Variants in COL28A1 observed in about 807,000 individuals in gnomAD.
COL28A1 encodes the protein collagen type XXVIII alpha 1 chain.
COL28A1 carries 161 observed loss-of-function variants against 150.2 expected under a neutral mutation model. That is an observed-to-expected ratio of 1.07 (90% CI 0.94 to 1.22). The LOEUF is 1.22. Ranked by LOEUF, COL28A1 falls within the 50% of genes most tolerant of loss-of-function variation. COL28A1 has a pLI of 0.00. For synonymous variants in COL28A1, 552 were observed against 469.7 expected, an observed-to-expected ratio of 1.18 and a Z score of -2.26; for missense variants, 1,617 against 1,388.3, an observed-to-expected ratio of 1.16 and a Z score of -2.62.
At position 7,464,968 on chromosome 7, in the gene COL28A1, C is replaced by T. The variant is rs150468469; in HGVS notation, c.1303-8856G>A. ...AACGAAACAGGAGATTTACAACTGG[C>T]ACCAAAAATCTAAAAGAAATCCAAG... On this transcript the variant is annotated intron_variant, in intron 15 of 34. Transcript: ENST00000399429. Among the ~76,000 whole-genome samples, 261 of 152,256 alleles carry T rather than the reference C, an allele frequency of 1.7e-3. 2 individuals carry two copies. Among genetic ancestry groups the T allele is most frequent in the African/African-American group, 5.8e-3 (242 of 41,548 alleles).
chr7:7,419,122 C>T (rs989196863), intron 26 of COL28A1, among the ~76,000 whole-genome samples: 33 of 152,138 alleles, frequency 2.2e-4, no homozygotes, highest in African/African-American at 7.0e-4. Flanking sequence ...CTTCTTTACC[C>T]TACTTTCGAA....
chr7:7,435,070 G>A lies in COL28A1; in HGVS notation c.1860+1325C>T, dbSNP rs537200032. Among the ~76,000 whole-genome samples the A allele has an allele frequency of 5.9e-5, 9 of 152,242 alleles. No homozygotes were observed. The South Asian group carries it at 1.9e-3, about 32-fold the overall frequency. ...GAAAGAGTATCATTAGAGTCCAGGGGAGTAGCAAAATGATTGAGTGAAGAG... is the reference window on the plus strand; with the variant it reads ...GAAAGAGTATCATTAGAGTCCAGGGAAGTAGCAAAATGATTGAGTGAAGAG... On this transcript the variant is annotated intron_variant, in intron 23 of 34. Coordinates refer to ENST00000399429, the MANE Select transcript of COL28A1 (RefSeq NM_001037763.3).
Position 7,373,620 on chromosome 7 carries a change from A to T in COL28A1, c.2360-74T>A. ...AGATTGTTGAGGGGAGGGGAGAAAA[A>T]GTCAATGATGAACCTGAGACCTAAA... On this transcript the variant is annotated intron_variant, in intron 31 of 34. Transcript: ENST00000399429. The surrounding 1 kb of genome is among the most constrained non-coding windows in gnomAD (Gnocchi z 4.1). The T allele has an allele frequency of 8.1e-7, 1 of 1,227,520 alleles. No homozygotes were observed. The highest frequency in any genetic ancestry group is 1.2e-6 in the Non-Finnish European group (1 of 866,310). 76.0% of individuals were successfully genotyped at this position (1,227,520 alleles called of 1,614,324 possible).
intron 18 of COL28A1, 80 bp downstream of exon 18, chr7:7,452,237 CTG>C (rs1786752585): frequency 6.4e-7 from 1 of 1,552,672 alleles, no homozygotes; most frequent in South Asian, 1.2e-5. Flanking sequence ...CACACAGAGT[CTG>C]TAAGGCAATT....
intron 27 of COL28A1, among the ~76,000 whole-genome samples, chr7:7,394,708 G>A (rs189385165): frequency 5.3e-5 from 8 of 152,196 alleles, no homozygotes; most frequent in African/African-American, 1.9e-4. Context: ...TCTACACATG[G>A]ATAATATAAA....
chr7:7,506,880 C>T (rs894263333), intron 10 of COL28A1, among the ~76,000 whole-genome samples: 1 of 152,122 alleles, frequency 6.6e-6, no homozygotes, highest in African/African-American at 2.4e-5. Context: ...CTAATACTTG[C>T]CTGTTGGTAC....
intron 13 of COL28A1, among the ~76,000 whole-genome samples, chr7:7,478,320 T>C (rs1427568944): frequency 2.0e-5 from 3 of 150,696 alleles, no homozygotes; most frequent in African/African-American, 7.4e-5. Flanking sequence ...TACAGAGTGC[T>C]GATTGGTGCA....
At chr7:7,517,416 G>A (rs1243032622) in intron 7 of COL28A1, among the ~76,000 whole-genome samples, 1 of 152,120 alleles carries the variant, frequency 6.6e-6, no homozygotes, top group Non-Finnish European at 1.5e-5. Flanking sequence ...TATGTCTGCA[G>A]AATTGGATTA....
At chr7:7,420,987 C>T (rs577591044) in intron 25 of COL28A1, among the ~76,000 whole-genome samples, 1 of 152,334 alleles carries the variant, frequency 6.6e-6, no homozygotes, top group East Asian at 1.9e-4. Context: ...TTCACTCCTA[C>T]ATATACACCC....
At chr7:7,538,709 T>A (rs1334562139), upstream of COL28A1, among the ~76,000 whole-genome samples, 2 of 152,120 alleles carry the variant, frequency 1.3e-5, no homozygotes, top group Non-Finnish European at 2.9e-5. Context: ...TTTCAGAGAA[T>A]TGTATCTGCA....
intron 25 of COL28A1, among the ~76,000 whole-genome samples, chr7:7,429,965 A>T (rs1784870523): frequency 6.6e-6 from 1 of 152,194 alleles, no homozygotes; most frequent in Non-Finnish European, 1.5e-5. Flanking sequence ...GGCAAGATGA[A>T]GTTTTGAACC....
Position 7,358,540 on chromosome 7 carries a change from A to G in COL28A1, c.*93T>C. 8.7e-7 allele frequency: 1 copy of G among 1,153,414 alleles called. No homozygotes were observed. Among genetic ancestry groups the G allele is most frequent in the Non-Finnish European group, 1.3e-6 (1 of 787,790 alleles). 71.4% of individuals were successfully genotyped at this position (1,153,414 alleles called of 1,614,324 possible). ...CATGTATAAGTTGTAAATACTCAGTATACACTCAAATATAGTGCTGTATTT... is the reference window on the plus strand; with the variant it reads ...CATGTATAAGTTGTAAATACTCAGTGTACACTCAAATATAGTGCTGTATTT... On this transcript the variant is annotated 3_prime_UTR_variant, in exon 35 of 35. Coordinates refer to ENST00000399429, the MANE Select transcript of COL28A1 (RefSeq NM_001037763.3).
chr7:7,379,442 T>A (rs1428798171), intron 30 of COL28A1, among the ~76,000 whole-genome samples: 1 of 152,088 alleles, frequency 6.6e-6, no homozygotes, highest in African/African-American at 2.4e-5. Context: ...AACACCATCA[T>A]ACACCATTTT....
chr7:7,431,436 G>A lies in COL28A1; in HGVS notation c.1998+1037C>T, dbSNP rs1293006622. The stretch of plus-strand genomic sequence containing the variant: ...ACGCTACATGGAAAACATACAGAGG[G>A]GTTGGGGTAGTAATGCTTTCTGTAT... On this transcript the variant is annotated intron_variant, in intron 25 of 34. Coordinates refer to ENST00000399429, the MANE Select transcript of COL28A1 (RefSeq NM_001037763.3). 4.3e-5 allele frequency: 19 copies of A among 446,858 alleles called. No individual in the cohort carries two copies. The East Asian group carries it at 1.3e-3, about 30-fold the overall frequency. 27.7% of individuals were successfully genotyped at this position (446,858 alleles called of 1,614,324 possible). A position where few individuals can be genotyped will look rare whatever the true frequency, so the allele number is the denominator to read the frequency against.
At chr7:7,444,692 C>A (rs1257586939) in intron 18 of COL28A1, among the ~76,000 whole-genome samples, 3 of 151,938 alleles carry the variant, frequency 2.0e-5, no homozygotes, top group Non-Finnish European at 4.4e-5. Context: ...TGAATTGTGA[C>A]CCCAAAAAGA....
downstream of COL28A1, among the ~76,000 whole-genome samples, chr7:7,352,956 T>C (rs1418930141): frequency 6.6e-6 from 1 of 152,110 alleles, no homozygotes; most frequent in Non-Finnish European, 1.5e-5. Context: ...TCTCGGGACC[T>C]CCCCAAATTC....
intron 25 of COL28A1, 87 bp from the exon 26 acceptor site, chr7:7,420,040 C>A (rs1000261874): frequency 7.5e-6 from 6 of 802,638 alleles, no homozygotes; most frequent in East Asian, 3.0e-5. Flanking sequence ...TCAAAAACTT[C>A]TTGAATGTGA....
intron 34 of COL28A1, among the ~76,000 whole-genome samples, chr7:7,359,994 G>A (rs984873528): frequency 6.6e-5 from 10 of 151,980 alleles, no homozygotes; most frequent in African/African-American, 1.9e-4. Context: ...CTAGATTTTC[G>A]CTTGTTTCTC....
chr7:7,465,876 A>AGCCGTGTGGAAG (rs1318208983), intron 15 of COL28A1, among the ~76,000 whole-genome samples: 6 of 17,668 alleles, frequency 3.4e-4, no homozygotes, highest in Non-Finnish European at 5.2e-4. Flanking sequence ...GTATTCCAAC[A>AGCCGTGTGGAAG]GACCTGCAGC....
Sources: gnomAD v4.1 joint callset for allele counts (sites outside exome capture counted in the v4.1 genomes callset) on GRCh38, gnomAD v4.1.1 for gene constraint, Gnocchi (gnomAD v3.1) non-coding constraint, MANE v1.5 for transcripts, NCBI Gene and HGNC (gene_info 2026-07-23, HGNC 2026-07-21) for gene names.